CHCHD3: variants seen among roughly 807,000 people sequenced by gnomAD.
CHCHD3 encodes the protein MICOS complex subunit MIC19.
A neutral mutation model predicts 38.2 loss-of-function variants in CHCHD3; 20 were observed. The observed-to-expected ratio is 0.52, with a 90% confidence interval of 0.37 to 0.76. The LOEUF is 0.76. Among genes scored for constraint, CHCHD3 ranks in the 30% least tolerant of loss-of-function variants. CHCHD3 has a pLI of 0.00. For missense variants in CHCHD3, 245 were observed against 279.2 expected, an observed-to-expected ratio of 0.88 and a Z score of 0.87; for synonymous variants, 82 against 100.0, an observed-to-expected ratio of 0.82 and a Z score of 1.07.
intron 6 of CHCHD3, among the ~76,000 whole-genome samples, chr7:132,838,041 T>C (rs1244062708): frequency 6.6e-6 from 1 of 152,230 alleles, no homozygotes; most frequent in African/African-American, 2.4e-5. Flanking sequence ...CATTTTATTA[T>C]ACAAAAGTGA....
intron 4 of CHCHD3, among the ~76,000 whole-genome samples, chr7:132,900,157 C>A (rs1562901520): frequency 4.0e-5 from 1 of 24,956 alleles, no homozygotes; most frequent in Non-Finnish European, 7.8e-5. Flanking sequence ...TACCACCTGG[C>A]AAACTCAAAT....
intron 6 of CHCHD3, among the ~76,000 whole-genome samples, chr7:132,833,013 GT>G (rs1807687920): frequency 6.6e-6 from 1 of 152,184 alleles, no homozygotes; most frequent in Non-Finnish European, 1.5e-5. Flanking sequence ...ATAGCACATA[GT>G]TTCATAACTT....
At chr7:132,873,302 C>G (rs11772506) in intron 5 of CHCHD3, among the ~76,000 whole-genome samples, 18,058 of 152,048 alleles carry the variant, frequency 0.12, 1,327 homozygotes, top group Middle Eastern at 0.18. Flanking sequence ...CAACTGGTTG[C>G]CTGGCAAAGA....
intron 4 of CHCHD3, among the ~76,000 whole-genome samples, chr7:132,901,809 CTTTAG>C (rs1809676947): frequency 6.6e-6 from 1 of 152,168 alleles, no homozygotes; most frequent in Non-Finnish European, 1.5e-5. Flanking sequence ...TGCAGAAGCT[CTTTAG>C]TTTAATTAGA....
intron 2 of CHCHD3, among the ~76,000 whole-genome samples, chr7:133,060,818 G>A (rs1814483809): frequency 6.6e-6 from 1 of 152,176 alleles, no homozygotes; most frequent in African/African-American, 2.4e-5. Flanking sequence ...GCTGAGGCAG[G>A]AGAATCACTT....
At chr7:132,820,536 A>C (rs1448772187) in intron 6 of CHCHD3, among the ~76,000 whole-genome samples, 5 of 150,772 alleles carry the variant, frequency 3.3e-5, no homozygotes, top group African/African-American at 1.2e-4. Context: ...CCTGTGATTG[A>C]GTTAGCCCAG....
intron 4 of CHCHD3, among the ~76,000 whole-genome samples, chr7:132,971,925 T>C (rs1316402524): frequency 6.6e-6 from 1 of 152,288 alleles, no homozygotes; most frequent in East Asian, 1.9e-4. Context: ...ACATCAATTA[T>C]GGGTTCTGAA....
intron 2 of CHCHD3, among the ~76,000 whole-genome samples, chr7:133,059,274 C>G (rs1814429938): frequency 6.6e-6 from 1 of 152,140 alleles, no homozygotes; most frequent in Admixed American, 6.5e-5. Flanking sequence ...GCGGGTTCTA[C>G]TAGAAAAGGA....
chr7:132,854,195 C>T (rs9791592), intron 5 of CHCHD3, among the ~76,000 whole-genome samples: 36,303 of 151,974 alleles, frequency 0.24, 4,472 homozygotes, highest in South Asian at 0.26. Context: ...TGAATGTATA[C>T]AAAAATTTAG....
At chr7:132,952,768 C>T (rs1811062685) in intron 4 of CHCHD3, among the ~76,000 whole-genome samples, 1 of 152,182 alleles carries the variant, frequency 6.6e-6, no homozygotes, top group African/African-American at 2.4e-5. Context: ...ACCAAATGCT[C>T]ATTACCTACA....
intron 5 of CHCHD3, among the ~76,000 whole-genome samples, chr7:132,847,811 C>T (rs1442018920): frequency 6.6e-6 from 1 of 152,078 alleles, no homozygotes; most frequent in Non-Finnish European, 1.5e-5. Flanking sequence ...TCATACCCAT[C>T]GCATGTACAA....
At chr7:132,860,526 G>T (rs1265351491) in intron 5 of CHCHD3, among the ~76,000 whole-genome samples, 1 of 152,064 alleles carries the variant, frequency 6.6e-6, no homozygotes, top group Non-Finnish European at 1.5e-5. Context: ...GGCCTTATTG[G>T]CTTCCTTTCT....
intron 6 of CHCHD3, among the ~76,000 whole-genome samples, chr7:132,811,544 C>T (rs746151862): frequency 3.2e-4 from 49 of 152,324 alleles, no homozygotes; most frequent in Non-Finnish European, 5.1e-4. Flanking sequence ...ACTTCCTTAC[C>T]TTCCATCCAT....
At chr7:133,010,737 C>T (rs897459377) in intron 3 of CHCHD3, among the ~76,000 whole-genome samples, 3 of 152,044 alleles carry the variant, frequency 2.0e-5, no homozygotes, top group African/African-American at 7.2e-5. Context: ...TGCCACCATA[C>T]CTGGCTAATT....
intron 6 of CHCHD3, among the ~76,000 whole-genome samples, chr7:132,810,676 C>T (rs1379639830): frequency 1.3e-5 from 2 of 152,178 alleles, no homozygotes; most frequent in Non-Finnish European, 2.9e-5. Context: ...TGATATATTA[C>T]TGTAGGACCA....
chr7:132,946,304 G>T (rs1810901283), intron 4 of CHCHD3, among the ~76,000 whole-genome samples: 1 of 151,844 alleles, frequency 6.6e-6, no homozygotes, highest in Non-Finnish European at 1.5e-5. Context: ...CCTTTGAAAT[G>T]TACCTGATAT....
intron 2 of CHCHD3, among the ~76,000 whole-genome samples, chr7:133,058,165 T>C (rs1443495015): frequency 6.6e-6 from 1 of 152,140 alleles, no homozygotes; most frequent in Non-Finnish European, 1.5e-5. Flanking sequence ...AAGAAACAGG[T>C]GATTGGCCTT....
intron 5 of CHCHD3, among the ~76,000 whole-genome samples, chr7:132,842,226 C>T (rs1036137705): frequency 1.3e-5 from 2 of 152,054 alleles, no homozygotes; most frequent in African/African-American, 2.4e-5. Flanking sequence ...TTGGGCAGGG[C>T]GGGCACATCC....
In CHCHD3 at chr7:133,074,989, G is replaced by A. The variant is rs143860710; in HGVS notation, c.82-4760C>T. ...ACTGGGTCTGAGCTTGTACTGACTC[G>A]TTCTCTGTAAGGTGCATGAGGACCA... On this transcript the variant is annotated intron_variant, in intron 1 of 7. Transcript: ENST00000262570. Among the ~76,000 whole-genome samples, 1,425 of 152,182 alleles carry A rather than the reference G, an allele frequency of 9.4e-3. 14 individuals are homozygous for A. The highest frequency in any genetic ancestry group is 0.017 in the Middle Eastern group (5 of 292).
Sources: allele counts gnomAD v4.1 joint callset (sites outside exome capture counted in the v4.1 genomes callset), GRCh38; gene constraint gnomAD v4.1.1; transcripts MANE v1.5; gene names NCBI Gene and HGNC (gene_info 2026-07-23, HGNC 2026-07-21).